The following SCAPER variants were observed in gnomAD, a reference collection of about 807,000 sequenced individuals.
SCAPER encodes the protein S phase cyclin A-associated protein in the endoplasmic reticulum.
In SCAPER, 98 loss-of-function variants were observed where a neutral mutation model predicts 182.2. That is an observed-to-expected ratio of 0.54 (90% CI 0.46 to 0.64). SCAPER has a LOEUF of 0.64. Among genes scored for constraint, SCAPER ranks in the 30% least tolerant of loss-of-function variants. The pLI, the probability that SCAPER is intolerant of heterozygous loss-of-function variation, is 0.00. For synonymous variants in SCAPER, 605 were observed against 564.6 expected, an observed-to-expected ratio of 1.07 and a Z score of -1.01; for missense variants, 1,432 against 1,690.0, an observed-to-expected ratio of 0.85 and a Z score of 2.68.
intron 7 of SCAPER, chr15:76,797,492 G>A (rs1297330802): frequency 6.6e-6 from 1 of 152,162 alleles, no homozygotes; most frequent in African/African-American, 2.4e-5. Context: ...CACATATGCA[G>A]GTTGTGTGCA....
chr15:76,765,236 G>A, intron 13 of SCAPER, 101 bp downstream of exon 13: 1 of 1,054,732 alleles, frequency 9.5e-7, no homozygotes, highest in Non-Finnish European at 1.4e-6. Flanking sequence ...CTGTCCTGAA[G>A]TAATGTGTCC....
intron 8 of SCAPER, among the ~76,000 whole-genome samples, chr15:76,786,702 G>A (rs1176232175): frequency 2.0e-5 from 3 of 151,938 alleles, no homozygotes; most frequent in African/African-American, 7.3e-5. Flanking sequence ...CATACAGACA[G>A]GAAAGGAGGA....
rs182280841 is a variant in SCAPER at position 76,584,384 on chromosome 15, G to A, written c.2712-10100C>T. Among the ~76,000 whole-genome samples, 102 of 152,234 alleles carry A rather than the reference G, an allele frequency of 6.7e-4. 1 individual carries two copies. Among genetic ancestry groups the A allele is most frequent in the Non-Finnish European group, 1.3e-3 (88 of 68,014 alleles). On this transcript the variant is annotated intron_variant, in intron 22 of 31. Transcript: ENST00000563290. ...GAATGACTACAGTCAACAATTTATT[G>A]TACATTTTTAAATAACAGAGTATAA...
chr15:76,708,509 T>A (rs576283875), intron 17 of SCAPER, among the ~76,000 whole-genome samples: 9 of 151,822 alleles, frequency 5.9e-5, no homozygotes, highest in Non-Finnish European at 1.3e-4. Flanking sequence ...ATTAAATACA[T>A]ACATAAATGT....
At chr15:76,356,093 G>A (rs1249443702) in intron 29 of SCAPER, among the ~76,000 whole-genome samples, 1 of 152,130 alleles carries the variant, frequency 6.6e-6, no homozygotes, top group Non-Finnish European at 1.5e-5. Context: ...GCCAGAATGG[G>A]ACATCTAGTC....
intron 26 of SCAPER, among the ~76,000 whole-genome samples, chr15:76,433,278 C>A (rs1431747045): frequency 1.3e-5 from 2 of 152,064 alleles, no homozygotes; most frequent in Non-Finnish European, 2.9e-5. Context: ...GAGATGGAGG[C>A]GGGTGGGTCA....
At chr15:76,891,091 C>T (rs2074138258) in intron 1 of SCAPER, among the ~76,000 whole-genome samples, 1 of 152,166 alleles carries the variant, frequency 6.6e-6, no homozygotes, top group South Asian at 2.1e-4. Flanking sequence ...TCAATAGATG[C>T]AGAAAAGGCC....
chr15:76,893,508 T>C (rs1053757311), intron 1 of SCAPER, among the ~76,000 whole-genome samples: 4 of 150,536 alleles, frequency 2.7e-5, no homozygotes, highest in African/African-American at 9.8e-5. Context: ...GGATAGATCA[T>C]CCAGACAAAA....
chr15:76,818,465 T>C (rs1206429755), intron 5 of SCAPER, among the ~76,000 whole-genome samples: 1 of 152,024 alleles, frequency 6.6e-6, no homozygotes, highest in Non-Finnish European at 1.5e-5. Context: ...CTCATTAAAA[T>C]CAAAAACTTC....
chr15:76,557,935 T>C (rs1044528724), intron 23 of SCAPER, among the ~76,000 whole-genome samples: 1 of 152,190 alleles, frequency 6.6e-6, no homozygotes, highest in African/African-American at 2.4e-5. Context: ...CTGTGACAAC[T>C]GGCTAGCCAT....
chr15:76,732,624 A>G (rs2165793), intron 16 of SCAPER, among the ~76,000 whole-genome samples: 57,919 of 151,740 alleles, frequency 0.38, 13,059 homozygotes, highest in Middle Eastern at 0.52. Context: ...TACTTAGCAG[A>G]CCGGGAAAGG....
chr15:76,726,200 G>A (rs2060590862), intron 17 of SCAPER, among the ~76,000 whole-genome samples: 1 of 123,960 alleles, frequency 8.1e-6, no homozygotes, highest in Admixed American at 8.9e-5. Context: ...TTAAAAAATA[G>A]GCAAAGGACC....
At chr15:76,745,244 A>T (rs2061732838) in intron 15 of SCAPER, among the ~76,000 whole-genome samples, 1 of 152,134 alleles carries the variant, frequency 6.6e-6, no homozygotes, top group Non-Finnish European at 1.5e-5. Flanking sequence ...GTTCAAGACC[A>T]GCCTGGCCAA....
chr15:76,506,117 G>A (rs1023607827), intron 23 of SCAPER, among the ~76,000 whole-genome samples: 8 of 151,932 alleles, frequency 5.3e-5, no homozygotes, highest in African/African-American at 1.9e-4. Flanking sequence ...TGGGGGGGAC[G>A]GGGTAATGGG....
intron 25 of SCAPER, among the ~76,000 whole-genome samples, chr15:76,441,974 C>A (rs2047644686): frequency 6.6e-6 from 1 of 151,908 alleles, no homozygotes; most frequent in Non-Finnish European, 1.5e-5. Context: ...AAAAAATTCA[C>A]CAAACCAATA....
chr15:76,645,555 T>C (rs757643450), intron 21 of SCAPER, among the ~76,000 whole-genome samples: 8 of 152,026 alleles, frequency 5.3e-5, no homozygotes, highest in Non-Finnish European at 1.0e-4. Context: ...TATGTATTTA[T>C]TCTTATTATC....
intron 29 of SCAPER, among the ~76,000 whole-genome samples, chr15:76,370,912 G>A (rs1044721319): frequency 3.9e-5 from 6 of 152,182 alleles, no homozygotes; most frequent in Non-Finnish European, 8.8e-5. Context: ...CTAAGGGAAA[G>A]AATGGCAGTT....
chr15:76,520,520 T>C (rs558792547), intron 23 of SCAPER, among the ~76,000 whole-genome samples: 5 of 152,282 alleles, frequency 3.3e-5, no homozygotes, highest in East Asian at 1.9e-4. Context: ...ACCCAGCCTA[T>C]AGCTGTCTTA....
intron 4 of SCAPER, among the ~76,000 whole-genome samples, chr15:76,846,580 C>T (rs1205012109): frequency 6.6e-6 from 1 of 152,006 alleles, no homozygotes; most frequent in Non-Finnish European, 1.5e-5. Context: ...ATACAAATGG[C>T]AAACAGGCAT....
Sources: allele counts gnomAD v4.1 joint callset (sites outside exome capture counted in the v4.1 genomes callset), GRCh38; gene constraint gnomAD v4.1.1; transcripts MANE v1.5; gene names NCBI Gene and HGNC (gene_info 2026-07-23, HGNC 2026-07-21).